The following RSU1 variants were observed in gnomAD, a reference collection of about 807,000 sequenced individuals.
The protein encoded by RSU1 is Ras suppressor protein 1, also known as rsu-1.
A neutral mutation model predicts 31.1 loss-of-function variants in RSU1; 26 were observed. The ratio of observed to expected loss-of-function variants is 0.84; its 90% CI spans 0.61 to 1.16. The LOEUF is 1.16. RSU1 is among the 50% of genes most tolerant of loss of function. The probability of loss-of-function intolerance (pLI) is 0.00; values close to 1 mark genes in which losing one functional copy is unlikely to be tolerated. For missense variants in RSU1, 320 were observed against 339.1 expected (o/e 0.94, Z 0.44); for synonymous variants, 164 against 136.3 (o/e 1.20, Z -1.41).
At chr10:16,807,980 G>A (rs1228651972) in intron 2 of RSU1, among the ~76,000 whole-genome samples, 4 of 146,946 alleles carry the variant, frequency 2.7e-5, no homozygotes, top group Non-Finnish European at 5.9e-5. Flanking sequence ...CCGAGATCAC[G>A]CCACTGCACT....
At chr10:16,667,724 G>A (rs953105404) in intron 8 of RSU1, among the ~76,000 whole-genome samples, 1 of 152,144 alleles carries the variant, frequency 6.6e-6, no homozygotes, top group South Asian at 2.1e-4. Flanking sequence ...CTGACCTCAG[G>A]TGATCTGCCC....
intron 4 of RSU1, among the ~76,000 whole-genome samples, chr10:16,762,469 T>C (rs1837229108): frequency 1.3e-5 from 2 of 152,044 alleles, no homozygotes; most frequent in East Asian, 1.9e-4. Context: ...CATCTTTTCA[T>C]TTCTGCTTTG....
At chr10:16,758,476 G>C (rs1358391815) in intron 4 of RSU1, among the ~76,000 whole-genome samples, 1 of 152,214 alleles carries the variant, frequency 6.6e-6, no homozygotes, top group Non-Finnish European at 1.5e-5. Flanking sequence ...AGTGGCGGTA[G>C]GAAAAGTATG....
Position 16,738,125 on chromosome 10 carries a change from A to G in RSU1, c.598+14414T>C, listed in dbSNP as rs572114063. On this transcript the variant is annotated intron_variant, in intron 7 of 8. Coordinates refer to ENST00000345264, the MANE Select transcript of RSU1 (RefSeq NM_012425.4). Reference sequence around the variant, plus strand: ...GTGAGATGCTGCTAAAACAACGGAGAAAAACTTCTAACTTGAAATGCTTAC... The same window carrying G: ...GTGAGATGCTGCTAAAACAACGGAGGAAAACTTCTAACTTGAAATGCTTAC... Among the ~76,000 whole-genome samples the G allele has an allele frequency of 5.9e-5, 9 of 152,326 alleles. No individual in the cohort carries two copies. In the South Asian group the frequency reaches 1.2e-3, roughly 21 times the overall value.
chr10:16,682,749 G>C (rs1396257456), intron 8 of RSU1, among the ~76,000 whole-genome samples: 5 of 151,956 alleles, frequency 3.3e-5, no homozygotes, highest in Non-Finnish European at 7.4e-5. Flanking sequence ...CCCTCTCTTG[G>C]GGTCTGGATC....
chr10:16,785,443 C>CATATATACATATATACATAT (rs1837762278), intron 2 of RSU1, among the ~76,000 whole-genome samples: 1 of 137,946 alleles, frequency 7.2e-6, no homozygotes, highest in African/African-American at 2.9e-5. Flanking sequence ...TATATATACA[C>CATATATACATATATACATAT]ATATATACAT....
chr10:16,756,961 G>T (rs1475535480), intron 4 of RSU1, among the ~76,000 whole-genome samples: 1 of 150,090 alleles, frequency 6.7e-6, no homozygotes, highest in Non-Finnish European at 1.5e-5. Context: ...GTGGTGTGGG[G>T]TAGGTATGAG....
At position 16,792,230 on chromosome 10, in the gene RSU1, G is replaced by A. The variant is rs528201526; in HGVS notation, c.110-10146C>T. Among the ~76,000 whole-genome samples, 4 of 152,070 alleles carry A rather than the reference G, an allele frequency of 2.6e-5. No individual in the cohort carries two copies. In the East Asian group the frequency reaches 5.8e-4, roughly 22 times the overall value. On this transcript the variant is annotated intron_variant, in intron 2 of 8. Coordinates refer to ENST00000345264, the MANE Select transcript of RSU1 (RefSeq NM_012425.4). ...AAAAAGGCCTTTGCTATCTGCAAAG[G>A]ATTCATCACTTTTTTGTTTGTTTTG...
At chr10:16,631,320 A>T (rs962735744) in intron 8 of RSU1, among the ~76,000 whole-genome samples, 1 of 152,218 alleles carries the variant, frequency 6.6e-6, no homozygotes, top group Non-Finnish European at 1.5e-5. Flanking sequence ...AGCCACAAAT[A>T]AGCCCAGGGC....
chr10:16,752,790 A>T, intron 6 of RSU1, 128 bp downstream of exon 6: 1 of 1,027,812 alleles, frequency 9.7e-7, no homozygotes, highest in South Asian at 1.4e-5. Flanking sequence ...GATAATCAAG[A>T]AACACTATCA....
chr10:16,642,313 T>G (rs1037032035), intron 8 of RSU1, among the ~76,000 whole-genome samples: 3 of 152,092 alleles, frequency 2.0e-5, no homozygotes, highest in Non-Finnish European at 4.4e-5. Flanking sequence ...AGAGAAGCTG[T>G]AGAAAAACAA....
intron 2 of RSU1, among the ~76,000 whole-genome samples, chr10:16,791,640 A>G (rs907946503): frequency 2.0e-5 from 3 of 151,978 alleles, no homozygotes; most frequent in African/African-American, 7.2e-5. Context: ...AAAAACAAAA[A>G]AAAAAAAAAA....
intron 8 of RSU1, among the ~76,000 whole-genome samples, chr10:16,640,783 A>G (rs546000121): frequency 6.6e-6 from 1 of 152,284 alleles, no homozygotes; most frequent in Admixed American, 6.5e-5. Context: ...CCCTGTTACA[A>G]GCTCTCATAG....
intron 2 of RSU1, among the ~76,000 whole-genome samples, chr10:16,785,790 TTCACTTTGATCGCGTAAG>T (rs1320220584): frequency 2.0e-5 from 3 of 152,102 alleles, no homozygotes; most frequent in Non-Finnish European, 2.9e-5. Context: ...GATAAGGATC[TTCACTTTGATCGCGTAAG>T]TCTGCCTGGC....
At chr10:16,703,682 T>G (rs1835839858) in intron 7 of RSU1, among the ~76,000 whole-genome samples, 1 of 152,154 alleles carries the variant, frequency 6.6e-6, no homozygotes, top group Non-Finnish European at 1.5e-5. Flanking sequence ...AAGGTCAAAA[T>G]GAAGGCTGTA....
At chr10:16,607,613 C>T (rs1381259952) in intron 8 of RSU1, among the ~76,000 whole-genome samples, 1 of 152,190 alleles carries the variant, frequency 6.6e-6, no homozygotes, top group Admixed American at 6.5e-5. Context: ...ATATCACACA[C>T]TGAGCAGGTG....
chr10:16,642,773 C>T (rs907195157), intron 8 of RSU1, among the ~76,000 whole-genome samples: 1 of 152,114 alleles, frequency 6.6e-6, no homozygotes, highest in African/African-American at 2.4e-5. Flanking sequence ...TTGTAAATTC[C>T]GTTTTGAATT....
chr10:16,659,715 A>C (rs900919189), intron 8 of RSU1, among the ~76,000 whole-genome samples: 3 of 152,156 alleles, frequency 2.0e-5, no homozygotes, highest in African/African-American at 7.2e-5. Flanking sequence ...GTTCTTCCTC[A>C]GGAGGGTTTT....
chr10:16,723,845 C>A (rs1275149084), intron 7 of RSU1, among the ~76,000 whole-genome samples: 2 of 152,176 alleles, frequency 1.3e-5, no homozygotes, highest in Non-Finnish European at 2.9e-5. Context: ...CAGAGATATA[C>A]CAACATGGTA....
Sources: gnomAD v4.1 joint callset for allele counts (sites outside exome capture counted in the v4.1 genomes callset) on GRCh38, gnomAD v4.1.1 for gene constraint, MANE v1.5 for transcripts, NCBI Gene and HGNC (gene_info 2026-07-23, HGNC 2026-07-21) for gene names.